The following BBX variants were observed in gnomAD, a reference collection of about 807,000 sequenced individuals.
The protein encoded by BBX is BBX high mobility group box domain containing.
A neutral mutation model predicts 100.2 loss-of-function variants in BBX; 30 were observed. The ratio of observed to expected loss-of-function variants is 0.30; its 90% confidence interval spans 0.22 to 0.41. The LOEUF (loss-of-function observed/expected upper bound fraction) is 0.41, where lower values mean the gene tolerates loss of function less well. BBX is among the 10% of genes least tolerant of loss of function. BBX has a pLI of 1.00. For synonymous variants in BBX, 376 were observed against 388.1 expected (o/e 0.97, Z 0.37); for missense variants, 1,023 against 1,129.8 (o/e 0.91, Z 1.35).
chr3:107,779,012 TATATATATACAC>T (rs1374581895), intron 13 of BBX, among the ~76,000 whole-genome samples: 5 of 72,122 alleles, frequency 6.9e-5, no homozygotes, highest in African/African-American at 2.1e-4. Context: ...TATATATATA[TATATATATACAC>T]ACACACACAC....
chr3:107,681,537 T>C (rs186499065), intron 3 of BBX, among the ~76,000 whole-genome samples: 5 of 152,150 alleles, frequency 3.3e-5, no homozygotes, highest in African/African-American at 9.6e-5. Context: ...CCTAGATATA[T>C]GTTAACTCAG....
Position 107,778,539 on chromosome 3 carries a change from T to C in BBX, c.2203+20T>C, listed in dbSNP as rs2067517822. On this transcript the variant is annotated intron_variant, in intron 13 of 17. Coordinates refer to ENST00000325805, the MANE Select transcript of BBX (RefSeq NM_001142568.3). ...GCAAAGGTTAGGTGTGACCTGTACCTTCCTGCCATGTGGTCAGAATCTCAA... is the reference window on the plus strand; with the variant it reads ...GCAAAGGTTAGGTGTGACCTGTACCCTCCTGCCATGTGGTCAGAATCTCAA... 1 of 1,609,114 alleles carries C rather than the reference T, an allele frequency of 6.2e-7. No homozygotes were observed. The highest frequency in any genetic ancestry group is 1.3e-5 in the African/African-American group (1 of 74,502).
intron 12 of BBX, among the ~76,000 whole-genome samples, chr3:107,777,258 T>C (rs928896258): frequency 1.3e-5 from 2 of 152,086 alleles, no homozygotes; most frequent in African/African-American, 4.8e-5. Context: ...GGACTTGGAG[T>C]ATATCCCCCC....
At chr3:107,745,940 G>A (rs2064555742) in intron 8 of BBX, among the ~76,000 whole-genome samples, 1 of 152,040 alleles carries the variant, frequency 6.6e-6, no homozygotes, top group Non-Finnish European at 1.5e-5. Flanking sequence ...GCATATCTAA[G>A]ATCCAGAGAG....
intron 4 of BBX, among the ~76,000 whole-genome samples, chr3:107,712,824 C>CA (rs2061817671): frequency 6.6e-6 from 1 of 152,152 alleles, no homozygotes; most frequent in African/African-American, 2.4e-5. Context: ...ACTGTGTGCT[C>CA]ACAGCACCTA....
intron 10 of BBX, 43 bp downstream of exon 10, chr3:107,755,721 G>A (rs1209563707): frequency 6.7e-7 from 1 of 1,501,488 alleles, no homozygotes; most frequent in African/African-American, 1.4e-5. Context: ...TGCAGAGGTG[G>A]AAATTACAAA....
At chr3:107,563,599 T>C (rs985989611) in intron 2 of BBX, among the ~76,000 whole-genome samples, 1 of 152,240 alleles carries the variant, frequency 6.6e-6, no homozygotes, top group Non-Finnish European at 1.5e-5. Context: ...ATACATTTTT[T>C]TGTGTCAAAA....
chr3:107,568,154 A>G (rs551083215), intron 2 of BBX, among the ~76,000 whole-genome samples: 1 of 151,166 alleles, frequency 6.6e-6, no homozygotes, highest in African/African-American at 2.4e-5. Context: ...TTTTTCATTG[A>G]TATGTTTTAG....
intron 3 of BBX, among the ~76,000 whole-genome samples, chr3:107,690,729 A>AT (rs1157970193): frequency 6.6e-6 from 1 of 151,976 alleles, no homozygotes; most frequent in Non-Finnish European, 1.5e-5. Flanking sequence ...ACTTATGTAA[A>AT]TTGGGCTGTA....
intron 10 of BBX, among the ~76,000 whole-genome samples, chr3:107,770,643 G>A (rs1156419574): frequency 6.6e-6 from 1 of 152,112 alleles, no homozygotes; most frequent in African/African-American, 2.4e-5. Flanking sequence ...ATAGCCACTT[G>A]CTGAGGTCTA....
chr3:107,730,383 G>A (rs1322241953), intron 6 of BBX, among the ~76,000 whole-genome samples: 3 of 152,106 alleles, frequency 2.0e-5, no homozygotes, highest in African/African-American at 4.8e-5. Context: ...AGAGTATATA[G>A]ATAACTGACT....
intron 1 of BBX, chr3:107,523,992 GGAGAGAGGGAGACAGAGAGAGAGGGA>G (rs1177399280): frequency 6.6e-6 from 1 of 151,592 alleles, no homozygotes; most frequent in Non-Finnish European, 1.5e-5. Flanking sequence ...GGAAGGGGGG[GGAGAGAGGGAGACAGAGAGAGAGGGA>G]GAGAGAGAAC....
intron 2 of BBX, among the ~76,000 whole-genome samples, chr3:107,559,444 A>G (rs2050322304): frequency 6.6e-6 from 1 of 152,204 alleles, no homozygotes; most frequent in Non-Finnish European, 1.5e-5. Flanking sequence ...TGCAGGTGCT[A>G]GCTGCTTAAG....
intron 2 of BBX, among the ~76,000 whole-genome samples, chr3:107,625,205 A>G (rs563965662): frequency 6.6e-6 from 1 of 152,018 alleles, no homozygotes; most frequent in Admixed American, 6.5e-5. Context: ...TTATCTCTAC[A>G]TGATTCATTT....
At chr3:107,791,933 G>A (rs777856579) in intron 15 of BBX, among the ~76,000 whole-genome samples, 4 of 152,098 alleles carry the variant, frequency 2.6e-5, no homozygotes, top group Admixed American at 6.6e-5. Flanking sequence ...CCCGGGAGGC[G>A]GAAGTTTCAG....
chr3:107,554,894 C>T (rs932678949), intron 2 of BBX, among the ~76,000 whole-genome samples: 46 of 152,078 alleles, frequency 3.0e-4, no homozygotes, highest in African/African-American at 1.0e-3. Flanking sequence ...CATGGAGAAA[C>T]CCCATCTCTA....
chr3:107,557,034 G>A (rs1249365638), intron 2 of BBX, among the ~76,000 whole-genome samples: 1 of 152,016 alleles, frequency 6.6e-6, no homozygotes, highest in African/African-American at 2.4e-5. Context: ...AAAAAATTGA[G>A]GTAAAATTGA....
intron 3 of BBX, among the ~76,000 whole-genome samples, chr3:107,669,283 TTTGA>T (rs200354976): frequency 0.031 from 4,677 of 152,226 alleles, 119 homozygotes; most frequent in Non-Finnish European, 0.044. Context: ...TAGGATCATA[TTTGA>T]CTTGCATCAA....
intron 2 of BBX, among the ~76,000 whole-genome samples, chr3:107,550,439 G>A (rs558884392): frequency 1.3e-5 from 2 of 152,162 alleles, no homozygotes; most frequent in East Asian, 1.9e-4. Context: ...TGAGCGTGGG[G>A]AGATCACCTT....
Sources: allele counts gnomAD v4.1 joint callset (sites outside exome capture counted in the v4.1 genomes callset), GRCh38; gene constraint gnomAD v4.1.1; transcripts MANE v1.5; gene names NCBI Gene and HGNC (gene_info 2026-07-23, HGNC 2026-07-21).